The following NAB2 variants were observed in gnomAD, a reference collection of about 807,000 sequenced individuals.
The protein encoded by NAB2 is NGFI-A binding protein 2.
In NAB2, 9 loss-of-function variants were observed where a neutral mutation model predicts 44.2. The observed-to-expected ratio is 0.20, with a 90% CI of 0.12 to 0.36. The LOEUF (loss-of-function observed/expected upper bound fraction) is 0.36, where lower values mean the gene tolerates loss of function less well. Among genes scored for constraint, NAB2 ranks in the 10% least tolerant of loss-of-function variants. NAB2 has a pLI of 1.00. For missense variants in NAB2, 514 were observed against 709.0 expected (o/e 0.73, Z 3.12); for synonymous variants, 342 against 291.0 (o/e 1.18, Z -1.78).
In NAB2 at chr12:57,091,374, G is replaced by T; in HGVS notation, c.333G>T (p.Gly111=). Residue 111 remains glycine (G), a synonymous_variant, in exon 2 of 7, where the codon GGG becomes GGT. Coordinates refer to ENST00000300131, the MANE Select transcript of NAB2 (RefSeq NM_005967.4). This position sits in a 1 kb window ranked among gnomAD's most constrained non-coding sequence, Gnocchi z 7.3. ...TGAGAGAGTGGGCCACCAATCCAGG[G>T]CTCTTCAGTCAACCAGTGCCTGCTG... The part of the protein sequence containing the change: ...KALREWATNP[G]LFSQPVPAVP... 1.9e-6 allele frequency: 3 copies of T among 1,614,192 alleles called. No homozygotes were observed. The highest frequency in any genetic ancestry group is 2.5e-6 in the Non-Finnish European group (3 of 1,180,028).
intron 2 of NAB2, 137 bp from the exon 3 acceptor site, chr12:57,092,311 T>G (rs1365179674): frequency 7.7e-7 from 1 of 1,302,354 alleles, no homozygotes; most frequent in Non-Finnish European, 1.1e-6. Flanking sequence ...CTCAGAAAGC[T>G]CCCATGTAGT....
At chr12:57,092,793 CTCTT>C (rs1469831264) in intron 3 of NAB2, 120 bp from the exon 4 acceptor site, 30 of 1,394,458 alleles carry the variant, frequency 2.2e-5, no homozygotes, top group Non-Finnish European at 3.0e-5. Context: ...GAACTAGAGA[CTCTT>C]TCTCGGCCAG....
Position 57,089,201 on chromosome 12 carries a change from A to C in NAB2, c.-71A>C. The C allele has an allele frequency of 6.9e-7, 1 of 1,451,842 alleles. No individual in the cohort carries two copies. The highest frequency in any genetic ancestry group is 1.2e-5 in the South Asian group (1 of 81,998). 89.9% of individuals were successfully genotyped at this position (1,451,842 alleles called of 1,614,324 possible). A position where few individuals can be genotyped will look rare whatever the true frequency, so the allele number is the denominator to read the frequency against. On this transcript the variant is annotated 5_prime_UTR_variant, in exon 1 of 7. Transcript: ENST00000300131. ...GTGGACACGGCATCGTGCGCGGGGA[A>C]GAGGGCAGCACGCAGCAGGCGCCGA...
Position 57,094,748 on chromosome 12 carries a change from G to A in NAB2, c.*27G>A. The A allele has an allele frequency of 6.5e-7, 1 of 1,529,750 alleles. No individual in the cohort carries two copies. Among genetic ancestry groups the A allele is most frequent in the South Asian group, 1.2e-5 (1 of 83,524 alleles). 94.8% of individuals were successfully genotyped at this position (1,529,750 alleles called of 1,614,324 possible). A position where few individuals can be genotyped will look rare whatever the true frequency, so the allele number is the denominator to read the frequency against. The stretch of plus-strand genomic sequence containing the variant: ...GGTTGGACTGGTGTCTTCAGACCCA[G>A]GACCTCAGACTTCTGGCTCACACAG... On this transcript the variant is annotated 3_prime_UTR_variant, in exon 7 of 7. Transcript: ENST00000300131.
chr12:57,092,196 G>T, intron 2 of NAB2, 198 bp downstream of exon 2: 1 of 1,092,388 alleles, frequency 9.2e-7, no homozygotes. Flanking sequence ...CAGAGATACA[G>T]GCAGCACCGA....
At chr12:57,094,446 T>G (rs935030965) in intron 6 of NAB2, among the ~76,000 whole-genome samples, 166 bp from the exon 7 acceptor site, 1 of 151,918 alleles carries the variant, frequency 6.6e-6, no homozygotes, top group African/African-American at 2.4e-5. Context: ...CTCACACACA[T>G]GGGAATGGAA....
Position 57,095,121 on chromosome 12 carries a change from C to CGA in NAB2, c.*400_*401insGA. 5.9e-6 allele frequency: 1 copy of CGA among 170,448 alleles called. No individual in the cohort carries two copies. Among genetic ancestry groups the CGA allele is most frequent in the Non-Finnish European group, 1.3e-5 (1 of 79,424 alleles). 10.6% of individuals were successfully genotyped at this position (170,448 alleles called of 1,614,324 possible). A position where few individuals can be genotyped will look rare whatever the true frequency, so the allele number is the denominator to read the frequency against. ...GTCCAGCTAAAAGTGGCAACATTTG[C>CGA]CCCCAGAATTGGGGGCCTGGGAACA... On this transcript the variant is annotated 3_prime_UTR_variant, in exon 7 of 7. Transcript: ENST00000300131.
In NAB2 at chr12:57,093,141, C is replaced by T. The variant is rs1039809380; in HGVS notation, c.1222C>T (p.Leu408=). ...ESYVPPYRPS[L]EEDSASLSGE... Reference sequence around the variant, plus strand: ...CTATGTACCCCCATACCGCCCCAGCCTGGAGGAGGACAGCGCCAGCCTGTC... The same window carrying T: ...CTATGTACCCCCATACCGCCCCAGCTTGGAGGAGGACAGCGCCAGCCTGTC... The change falls in exon 5 of 7, where the codon CTG becomes TTG. Residue 408 remains leucine, a synonymous_variant. Transcript: ENST00000300131. The T allele has an allele frequency of 6.2e-7, 1 of 1,613,444 alleles. No individual in the cohort carries two copies. The highest frequency in any genetic ancestry group is 8.5e-7 in the Non-Finnish European group (1 of 1,179,814).
Position 57,094,852 on chromosome 12 carries a change from T to C in NAB2, c.*131T>C. The stretch of plus-strand genomic sequence containing the variant: ...GCCCTTCTCCTGCCTCCCCACCTGC[T>C]CCATGGGCATAAGACTGTGGGGCTT... On this transcript the variant is annotated 3_prime_UTR_variant, in exon 7 of 7. Transcript: ENST00000300131. The C allele has an allele frequency of 1.4e-6, 1 of 700,694 alleles. No individual in the cohort carries two copies. The highest frequency in any genetic ancestry group is 2.7e-5 in the East Asian group (1 of 36,726). 43.4% of individuals were successfully genotyped at this position (700,694 alleles called of 1,614,324 possible).
intron 1 of NAB2, among the ~76,000 whole-genome samples, chr12:57,090,553 C>G (rs909845085): frequency 1.3e-5 from 2 of 152,350 alleles, no homozygotes; most frequent in East Asian, 3.9e-4. Flanking sequence ...TAAGGCACCA[C>G]CTGGCTCACT....
At chr12:57,092,637 C>G (rs2033215293) in intron 3 of NAB2, 56 bp downstream of exon 3, 3 of 1,596,438 alleles carry the variant, frequency 1.9e-6, no homozygotes, top group African/African-American at 1.3e-5. Context: ...GGAGTTAGAT[C>G]ATGTCCTAAC....
Position 57,089,160 on chromosome 12 carries a change from C to A in NAB2, c.-112C>A. Reference sequence around the variant, plus strand: ...GAGAGAGAAGACGTGGAGGGAGGGACAGAGCCTGGACAGCGGTGGACACGG... The same window carrying A: ...GAGAGAGAAGACGTGGAGGGAGGGAAAGAGCCTGGACAGCGGTGGACACGG... On this transcript the variant is annotated 5_prime_UTR_variant, in exon 1 of 7. Coordinates refer to ENST00000300131, the MANE Select transcript of NAB2 (RefSeq NM_005967.4). The A allele has an allele frequency of 8.9e-7, 1 of 1,129,464 alleles. No individual in the cohort carries two copies. Among genetic ancestry groups the A allele is most frequent in the South Asian group, 1.4e-5 (1 of 73,952 alleles). The allele number at this position is 1,129,464 out of a possible 1,614,324, so 70.0% of individuals were successfully genotyped here.
Position 57,091,489 on chromosome 12 carries a change from G to C in NAB2, c.448G>C (p.Glu150Gln). Residue 150 changes from glutamate (E) to glutamine (Q), a missense_variant, in exon 2 of 7, where the codon GAA becomes CAA. Around this residue, in one of 5 missense-constraint regions of NAB2, gnomAD observed 177 missense variants for 200.5 expected, o/e 0.88. Coordinates refer to ENST00000300131, the MANE Select transcript of NAB2 (RefSeq NM_005967.4). The surrounding 1 kb of genome is among the most constrained non-coding windows in gnomAD (Gnocchi z 7.3). Reference sequence around the variant, plus strand: ...GAGCAATGGGCATGGCAGCCCAGGGGAAAAGGCAGGCAGTGCCCGCAGTTT... The same window carrying C: ...GAGCAATGGGCATGGCAGCCCAGGGCAAAAGGCAGGCAGTGCCCGCAGTTT... ...SMSNGHGSPG[E>Q]KAGSARSFSP... 1 of 1,614,128 alleles carries C rather than the reference G, an allele frequency of 6.2e-7. No homozygotes were observed. Among genetic ancestry groups the C allele is most frequent in the Admixed American group, 1.7e-5 (1 of 60,022 alleles).
Position 57,094,935 on chromosome 12 carries a change from CA to C in NAB2, c.*215del. 3.5e-6 allele frequency: 2 copies of C among 568,308 alleles called. No homozygotes were observed. The highest frequency in any genetic ancestry group is 4.3e-5 in the South Asian group (2 of 46,550). 35.2% of individuals were successfully genotyped at this position (568,308 alleles called of 1,614,324 possible). On this transcript the variant is annotated 3_prime_UTR_variant, in exon 7 of 7. Transcript: ENST00000300131. ...ACACAAGGAGGGTGCGTGGTGCCCT[CA>C]CCCCTGCCCAGAGCGAGGGGGCAAG...
At chr12:57,090,105 G>T (rs1297399631) in intron 1 of NAB2, among the ~76,000 whole-genome samples, 1 of 152,330 alleles carries the variant, frequency 6.6e-6, no homozygotes, top group Admixed American at 6.5e-5. Context: ...GAGTGTCACT[G>T]CTAGGAGAGG....
chr12:57,094,695 G>A lies in NAB2; in HGVS notation c.1552G>A (p.Val518Met). Residue 518 changes from valine (V) to methionine (M), a missense_variant, in exon 7 of 7, where the codon GTG becomes ATG. This residue lies in a region of NAB2 where 194 missense variants were observed against 223.9 expected (regional missense o/e 0.87). Transcript: ENST00000300131. ...GGAGGGTCGCAGGAGCAGCGTGAAA[G>A]TGGAGGCTGAGGCCAGCCGGCAGTG... ...LVEGRRSSVK[V>M]EAEASRQ The A allele has an allele frequency of 1.9e-6, 3 of 1,553,880 alleles. No homozygotes were observed. The highest frequency in any genetic ancestry group is 2.6e-6 in the Non-Finnish European group (3 of 1,148,402).
At position 57,092,522 on chromosome 12, in the gene NAB2, C is replaced by T. The variant is rs1470782738; in HGVS notation, c.1032C>T (p.Phe344=). ...TCTTATTACGGAGAGTGGAGCTCTT[C>T]TCTTTGTCCCGCCAAGTAGCCCGAG... ...NTLLLRRVEL[F]SLSRQVARES... is the part of the protein sequence containing the mutation. The change falls in exon 3 of 7, where the codon TTC becomes TTT. Residue 344 remains phenylalanine, a synonymous_variant. Coordinates refer to ENST00000300131, the MANE Select transcript of NAB2 (RefSeq NM_005967.4). 1 of 1,614,198 alleles carries T rather than the reference C, an allele frequency of 6.2e-7. No individual in the cohort carries two copies. The highest frequency in any genetic ancestry group is 1.1e-5 in the South Asian group (1 of 91,090).
chr12:57,094,144 AGGG>A (rs2033273367), intron 6 of NAB2, among the ~76,000 whole-genome samples: 1 of 145,780 alleles, frequency 6.9e-6, no homozygotes, highest in South Asian at 2.2e-4. Context: ...GGGGACTGGA[AGGG>A]GGGCTCTTCT....
At chr12:57,092,257 G>A (rs949408386) in intron 2 of NAB2, 191 bp from the exon 3 acceptor site, 19 of 1,021,014 alleles carry the variant, frequency 1.9e-5, no homozygotes, top group East Asian at 1.0e-4. Flanking sequence ...AGGAGGCCCC[G>A]GGCATTCCTA....
Sources: gnomAD v4.1 joint callset for allele counts (sites outside exome capture counted in the v4.1 genomes callset) on GRCh38, gnomAD v4.1.1 for gene constraint, gnomAD v4.1.1 regional missense constraint, Gnocchi (gnomAD v3.1) non-coding constraint, MANE v1.5 for transcripts, NCBI Gene and HGNC (gene_info 2026-07-23, HGNC 2026-07-21) for gene names.